Variants in POLR3G observed in about 807,000 individuals in gnomAD.
POLR3G encodes the protein RNA polymerase III subunit G.
POLR3G carries 28 observed loss-of-function variants against 30.1 expected under a neutral mutation model. That is an observed-to-expected ratio of 0.93 (90% CI 0.69 to 1.27). The LOEUF is 1.27. POLR3G is among the 50% of genes most tolerant of loss of function. The pLI is 0.00. For missense variants in POLR3G, 254 were observed against 264.6 expected (o/e 0.96, Z 0.28); for synonymous variants, 79 against 82.5 (o/e 0.96, Z 0.23).
At chr5:90,478,847 G>A (rs912165018) in intron 1 of POLR3G, among the ~76,000 whole-genome samples, 6 of 151,760 alleles carry the variant, frequency 4.0e-5, no homozygotes, top group Non-Finnish European at 5.9e-5. Context: ...CTTAATTTGG[G>A]TTGCACACTG....
In POLR3G at chr5:90,495,728, T is replaced by C; in HGVS notation, c.299T>C (p.Ile100Thr). The change falls in exon 4 of 8, where the codon ATA (isoleucine) becomes ACA (threonine). Residue 100 changes from isoleucine to threonine, a missense_variant. By Grantham distance (89) the Ile-to-Thr change is moderately conservative. Coordinates refer to ENST00000651687, the MANE Select transcript of POLR3G (RefSeq NM_006467.3). The stretch of plus-strand genomic sequence containing the variant: ...ATGAAGGTATACAAGGAAGAATGGA[T>C]ACCAGGTAACTACAAAACACACAAT... ...RYMKVYKEEWIPDWRRLPREM... is the reference protein window; with the variant it reads ...RYMKVYKEEWTPDWRRLPREM... The C allele has an allele frequency of 1.9e-6, 3 of 1,597,304 alleles. No homozygotes were observed. Among genetic ancestry groups the C allele is most frequent in the Non-Finnish European group, 2.6e-6 (3 of 1,172,734 alleles).
intron 7 of POLR3G, 38 bp downstream of exon 7, chr5:90,506,712 G>T (rs1224176238): frequency 9.6e-6 from 15 of 1,562,462 alleles, no homozygotes; most frequent in Admixed American, 1.9e-5. Flanking sequence ...AAATTAATAA[G>T]GTTTATCTAA....
intron 3 of POLR3G, among the ~76,000 whole-genome samples, chr5:90,490,203 T>G (rs1200779636): frequency 1.3e-5 from 2 of 151,960 alleles, no homozygotes; most frequent in Non-Finnish European, 2.9e-5. Context: ...ATGGGAGTGG[T>G]TGGCTAGTAC....
chr5:90,476,649 C>A (rs1580188910), intron 1 of POLR3G, among the ~76,000 whole-genome samples: 1 of 152,186 alleles, frequency 6.6e-6, no homozygotes, highest in Non-Finnish European at 1.5e-5. Context: ...TAATCATTGG[C>A]CTTTTGCTAG....
At position 90,485,660 on chromosome 5, in the gene POLR3G, G is replaced by T. The variant is rs746538825; in HGVS notation, c.93G>T (p.Val31=). Residue 31 remains valine (V), a synonymous_variant, in exon 2 of 8, where the codon GTG becomes GTT. Transcript: ENST00000651687. Reference sequence around the variant, plus strand: ...AAGGTGAAAAGTTACCTGATGTAGTGTTGAAACCACCCCCACTATTTCCTG... The same window carrying T: ...AAGGTGAAAAGTTACCTGATGTAGTTTTGAAACCACCCCCACTATTTCCTG... The part of the protein sequence containing the change: ...FSKGEKLPDV[V]LKPPPLFPDT... 4.3e-6 allele frequency: 7 copies of T among 1,613,456 alleles called. No individual in the cohort carries two copies. The highest frequency in any genetic ancestry group is 1.7e-4 in the Middle Eastern group (1 of 6,056).
chr5:90,477,664 G>C (rs1561245034), intron 1 of POLR3G, among the ~76,000 whole-genome samples: 1 of 152,170 alleles, frequency 6.6e-6, no homozygotes, highest in East Asian at 1.9e-4. Context: ...GCTTCTATCT[G>C]TTTGTGCATT....
intron 3 of POLR3G, chr5:90,490,661 G>A (rs1464547436): frequency 4.5e-5 from 17 of 378,860 alleles, no homozygotes; most frequent in Middle Eastern, 6.0e-4. Context: ...CTCCCATCTC[G>A]GCCTTCCAAA....
At chr5:90,480,385 G>A (rs1751065950) in intron 1 of POLR3G, among the ~76,000 whole-genome samples, 1 of 152,186 alleles carries the variant, frequency 6.6e-6, no homozygotes, top group African/African-American at 2.4e-5. Context: ...AACTTAAAGA[G>A]ATGGGTTTGT....
chr5:90,495,153 C>T (rs1003860947), intron 3 of POLR3G, among the ~76,000 whole-genome samples: 1 of 152,162 alleles, frequency 6.6e-6, no homozygotes, highest in East Asian at 1.9e-4. Flanking sequence ...GAAGCATATA[C>T]TTGACATAGA....
At chr5:90,477,404 A>G (rs1158197736) in intron 1 of POLR3G, among the ~76,000 whole-genome samples, 1 of 152,080 alleles carries the variant, frequency 6.6e-6, no homozygotes, top group African/African-American at 2.4e-5. Context: ...TGAAAGGGAG[A>G]ATCCGGCCAC....
intron 3 of POLR3G, among the ~76,000 whole-genome samples, chr5:90,493,728 A>T (rs1345201676): frequency 1.8e-5 from 1 of 55,688 alleles, no homozygotes; most frequent in Non-Finnish European, 3.5e-5. Flanking sequence ...TTTTTTTGAG[A>T]CAAGAGTCTT....
At position 90,514,249 on chromosome 5, in the gene POLR3G, G is replaced by A. The variant is rs1381133412; in HGVS notation, c.*2110G>A. ...TCTGGGACTGTGAAATTATTCCATA[G>A]GAAAGTGAATGTTATTTTGCAGAAT... On this transcript the variant is annotated 3_prime_UTR_variant, in exon 8 of 8. Transcript: ENST00000651687. The A allele has an allele frequency of 6.6e-6, 1 of 152,172 alleles. No individual in the cohort carries two copies. Among genetic ancestry groups the A allele is most frequent in the African/African-American group, 2.4e-5 (1 of 41,444 alleles). 9.4% of individuals were successfully genotyped at this position (152,172 alleles called of 1,614,324 possible).
chr5:90,477,497 A>G (rs1750892972), intron 1 of POLR3G, among the ~76,000 whole-genome samples: 1 of 152,208 alleles, frequency 6.6e-6, no homozygotes, highest in South Asian at 2.1e-4. Flanking sequence ...GAAACAGAAC[A>G]TGGGAGAGAG....
chr5:90,486,463 C>T (rs991828363), intron 2 of POLR3G, among the ~76,000 whole-genome samples: 5 of 152,214 alleles, frequency 3.3e-5, no homozygotes, highest in African/African-American at 9.7e-5. Flanking sequence ...TTCCTTACTA[C>T]TGGGTAAAAG....
chr5:90,502,377 CT>C (rs3840321), intron 6 of POLR3G: 293 of 893,898 alleles, frequency 3.3e-4, no homozygotes, highest in Non-Finnish European at 3.5e-4. Context: ...AGTTTTAATG[CT>C]TTTTTTTTGG....
rs1366619737 is a variant in POLR3G, at chr5:90,502,023, A to G, written c.438+35A>G. Reference sequence around the variant, plus strand: ...TCTTCTTACTATACAAGTGAACTGAAAAAATGTAAAAGATCCTACCTCGTT... The same window carrying G: ...TCTTCTTACTATACAAGTGAACTGAGAAAATGTAAAAGATCCTACCTCGTT... On this transcript the variant is annotated intron_variant, in intron 6 of 7. Coordinates refer to ENST00000651687, the MANE Select transcript of POLR3G (RefSeq NM_006467.3). The G allele has an allele frequency of 3.8e-6, 6 of 1,595,922 alleles. No homozygotes were observed. In the African/African-American group the frequency reaches 5.4e-5, roughly 14 times the overall value.
Position 90,482,855 on chromosome 5 carries a change from C to T in POLR3G, c.-43-2670C>T, listed in dbSNP as rs1044479562. On this transcript the variant is annotated intron_variant, in intron 1 of 7. Coordinates refer to ENST00000651687, the MANE Select transcript of POLR3G (RefSeq NM_006467.3). ...CCAAATTAACTTTAAAATCTCTGAT[C>T]TCTGGCTGGGCGCAGTGGCTCACAA... Among the ~76,000 whole-genome samples the T allele has an allele frequency of 3.3e-5, 5 of 152,136 alleles. No individual in the cohort carries two copies. The South Asian group carries it at 6.2e-4, about 19-fold the overall frequency.
chr5:90,502,292 A>G (rs10942596), intron 6 of POLR3G: 450,207 of 972,010 alleles, frequency 0.46, 105,108 homozygotes, highest in Non-Finnish European at 0.48. Context: ...AGAAACATGA[A>G]CAAGTTTTAA....
chr5:90,508,057 AT>A (rs1163710916), intron 7 of POLR3G, among the ~76,000 whole-genome samples: 3 of 152,124 alleles, frequency 2.0e-5, no homozygotes, highest in Non-Finnish European at 2.9e-5. Context: ...AATCTGACCT[AT>A]TGAGCATTTC....
Sources: allele counts gnomAD v4.1 joint callset (sites outside exome capture counted in the v4.1 genomes callset), GRCh38; gene constraint gnomAD v4.1.1; transcripts MANE v1.5; gene names NCBI Gene and HGNC (gene_info 2026-07-23, HGNC 2026-07-21).